Variants in APC observed in about 807,000 individuals in gnomAD.
The protein encoded by APC is APC regulator of Wnt signaling pathway, also known as adenomatous polyposis coli protein.
In APC, 72 loss-of-function variants were observed where a neutral mutation model predicts 247.0. That is an observed-to-expected ratio of 0.29 (90% CI 0.24 to 0.35). APC has a LOEUF of 0.35. Ranked by LOEUF, APC falls within the 10% of genes least tolerant of loss-of-function variation. The probability of loss-of-function intolerance (pLI) is 1.00; values close to 1 mark genes in which losing one functional copy is unlikely to be tolerated. For missense variants in APC, 3,400 were observed against 3,360.7 expected, an observed-to-expected ratio of 1.01 and a Z score of -0.29; for synonymous variants, 1,254 against 1,162.5, an observed-to-expected ratio of 1.08 and a Z score of -1.60.
intron 1 of APC, among the ~76,000 whole-genome samples, chr5:112,709,127 A>G (rs372690496): frequency 2.2e-4 from 33 of 152,308 alleles, no homozygotes; most frequent in African/African-American, 6.7e-4. Context: ...CATTAAATTG[A>G]GCAATATCGT....
At chr5:112,771,623 G>C (rs895556161) in intron 4 of APC, among the ~76,000 whole-genome samples, 2 of 152,052 alleles carry the variant, frequency 1.3e-5, no homozygotes. Context: ...TTATTCCTTT[G>C]TAGATGGCCA....
intron 1 of APC, among the ~76,000 whole-genome samples, chr5:112,740,288 TTAGA>T (rs1488195902): frequency 6.6e-6 from 1 of 152,170 alleles, no homozygotes; most frequent in African/African-American, 2.4e-5. Flanking sequence ...TAGAACAGTG[TTAGA>T]TTGAGATGTT....
At position 112,821,932 on chromosome 5, in the gene APC, T is replaced by G. The variant is rs764175850; in HGVS notation, c.1349T>G (p.Val450Gly). 1.2e-6 allele frequency: 2 copies of G among 1,613,490 alleles called. No homozygotes were observed. The highest frequency in any genetic ancestry group is 8.5e-7 in the Non-Finnish European group (1 of 1,179,716). ...APVEHQICPAVCVLMKLSFDE... is the reference protein window; with the variant it reads ...APVEHQICPAGCVLMKLSFDE... ...GTTGAACATCAGATCTGTCCTGCTG[T>G]GTGTGTTCTAATGAAACTTTCATTT... Residue 450 changes from valine (V) to glycine (G), a missense_variant, in exon 11 of 16, where the codon GTG becomes GGG. Physicochemically the swap from Val to Gly is moderately radical, Grantham distance 109. Coordinates refer to ENST00000257430, the MANE Select transcript of APC (RefSeq NM_000038.6).
At chr5:112,793,749 C>T (rs987139954) in intron 7 of APC, among the ~76,000 whole-genome samples, 1 of 152,072 alleles carries the variant, frequency 6.6e-6, no homozygotes, top group Non-Finnish European at 1.5e-5. Context: ...ATCAAAATTT[C>T]TCAGAAATTT....
intron 11 of APC, 61 bp downstream of exon 11, chr5:112,822,052 A>G: frequency 1.8e-6 from 2 of 1,111,758 alleles, no homozygotes; most frequent in Non-Finnish European, 2.7e-6. Flanking sequence ...AAATCATGGT[A>G]GAAATTCAGT....
chr5:112,710,445 G>C (rs1750782922), intron 1 of APC, among the ~76,000 whole-genome samples: 1 of 151,718 alleles, frequency 6.6e-6, no homozygotes. Flanking sequence ...TTCTTTTCAA[G>C]AGCAACCCCC....
chr5:112,825,086 C>T (rs976949166), intron 11 of APC, among the ~76,000 whole-genome samples: 1 of 152,152 alleles, frequency 6.6e-6, no homozygotes, highest in African/African-American at 2.4e-5. Flanking sequence ...CTTATCTTTT[C>T]CCAGTTTCCT....
Position 112,792,472 on chromosome 5 carries a change from C to G in APC, c.672C>G (p.Ile224Met), listed in dbSNP as rs367816013. The G allele has an allele frequency of 6.2e-7, 1 of 1,610,588 alleles. No homozygotes were observed. Among genetic ancestry groups the G allele is most frequent in the Non-Finnish European group, 8.5e-7 (1 of 1,178,132 alleles). The change falls in exon 7 of 16, where the codon ATC becomes ATG. Residue 224 changes from isoleucine (I) to methionine (M), a missense_variant. Transcript: ENST00000257430. ...GAAGAATAGCCAGAATTCAGCAAAT[C>G]GAAAAGGACATACTTCGTATACGAC... ...AQRRIARIQQ[I>M]EKDILRIRQL...
intron 4 of APC, among the ~76,000 whole-genome samples, chr5:112,775,103 C>G (rs1460429845): frequency 6.6e-6 from 1 of 152,110 alleles, no homozygotes; most frequent in Non-Finnish European, 1.5e-5. Flanking sequence ...TGTTCAGATT[C>G]CAAACTAAGA....
At chr5:112,734,617 G>T (rs1229556804), upstream of APC, among the ~76,000 whole-genome samples, 2 of 152,144 alleles carry the variant, frequency 1.3e-5, no homozygotes, top group East Asian at 3.8e-4. Flanking sequence ...AAGTTTATCA[G>T]TAAAGCACCA....
At chr5:112,720,191 A>C (rs531315036) in intron 1 of APC, among the ~76,000 whole-genome samples, 1 of 152,344 alleles carries the variant, frequency 6.6e-6, no homozygotes, top group East Asian at 1.9e-4. Flanking sequence ...CACAGCCATT[A>C]ATATGAAATG....
Position 112,805,928 on chromosome 5 carries a change from G to C in APC, c.834+4545G>C, listed in dbSNP as rs1361861640. Among the ~76,000 whole-genome samples the C allele has an allele frequency of 3.9e-5, 6 of 152,122 alleles. No homozygotes were observed. The East Asian group carries it at 1.2e-3, about 29-fold the overall frequency. ...GGCTTCCCTTGATTCTTAGAAAAAT[G>C]ATAACCATTTATTGTGACCCAGGTA... On this transcript the variant is annotated intron_variant, in intron 8 of 15. Transcript: ENST00000257430.
chr5:112,750,085 C>T (rs1292414517), intron 1 of APC, among the ~76,000 whole-genome samples: 5 of 151,336 alleles, frequency 3.3e-5, no homozygotes. Context: ...ACCTCAGCCT[C>T]CCAAGTAGCT....
At position 112,838,225 on chromosome 5, in the gene APC, T is replaced by A. The variant is rs762629631; in HGVS notation, c.2631T>A (p.Gly877=). 1.4e-5 allele frequency: 22 copies of A among 1,613,722 alleles called. No individual in the cohort carries two copies. The highest frequency in any genetic ancestry group is 1.9e-5 in the Non-Finnish European group (22 of 1,179,968). ...TENPGTSSKR[G]LQISTTAAQI... is the part of the protein sequence containing the mutation. ...ATCCAGGAACTTCTTCAAAGCGAGG[T>A]TTGCAGATCTCCACCACTGCAGCCC... The change falls in exon 16 of 16, where the codon GGT becomes GGA. Residue 877 remains glycine (G), a synonymous_variant. Transcript: ENST00000257430.
At chr5:112,820,494 A>AC (rs1204046455) in intron 10 of APC, among the ~76,000 whole-genome samples, 3 of 152,162 alleles carry the variant, frequency 2.0e-5, no homozygotes, top group Admixed American at 6.5e-5. Context: ...TTTTTAAAAA[A>AC]TTTAAAAAGC....
Position 112,840,487 on chromosome 5 carries a change from T to C in APC, c.4893T>C (p.Ser1631=), listed in dbSNP as rs35634377. 4.7e-4 allele frequency: 756 copies of C among 1,614,156 alleles called. 9 individuals are homozygous for C. In the African/African-American group the frequency reaches 9.1e-3, roughly 19 times the overall value. Residue 1631 remains serine (S), a synonymous_variant, in exon 16 of 16, where the codon AGT becomes AGC. Coordinates refer to ENST00000257430, the MANE Select transcript of APC (RefSeq NM_000038.6). This position sits in a 1 kb window ranked among gnomAD's most constrained non-coding sequence, Gnocchi z 4.1. ...GGTTGCAACCCCAAAAGCATGTTAG[T>C]TTTACACCGGGGGATGATATGCCAC... is the stretch of plus-strand genomic sequence containing the variant. ...QNRLQPQKHV[S]FTPGDDMPRV... is the part of the protein sequence containing the mutation.
rs765071003 is a variant in APC, at chr5:112,838,944, C to A, written c.3350C>A (p.Ser1117Tyr). The change falls in exon 16 of 16, where the codon TCT (serine) becomes TAT (tyrosine). Residue 1117 changes from serine to tyrosine, a missense_variant. Transcript: ENST00000257430. ...GGTTCAGAAACAAATCGAGTGGGTT[C>A]TAATCATGGAATTAATCAAAATGTA... is the stretch of plus-strand genomic sequence containing the variant. ...ANGSETNRVG[S>Y]NHGINQNVSQ... The A allele has an allele frequency of 6.2e-7, 1 of 1,613,978 alleles. No homozygotes were observed. The highest frequency in any genetic ancestry group is 8.5e-7 in the Non-Finnish European group (1 of 1,180,008).
intron 3 of APC, among the ~76,000 whole-genome samples, chr5:112,766,645 C>T (rs1756369122): frequency 6.6e-6 from 1 of 152,068 alleles, no homozygotes; most frequent in South Asian, 2.1e-4. Context: ...TAAATCCCTC[C>T]CTTAAATAAT....
chr5:112,792,667 T>G, intron 7 of APC, 138 bp downstream of exon 7: 1 of 661,954 alleles, frequency 1.5e-6, no homozygotes, highest in Non-Finnish European at 2.6e-6. Flanking sequence ...ATTTTTTTCG[T>G]GAAATTAAAT....
Sources: gnomAD v4.1 joint callset for allele counts (sites outside exome capture counted in the v4.1 genomes callset) on GRCh38, gnomAD v4.1.1 for gene constraint, Gnocchi (gnomAD v3.1) non-coding constraint, MANE v1.5 for transcripts, NCBI Gene and HGNC (gene_info 2026-07-23, HGNC 2026-07-21) for gene names.